EFHC2: variants seen among roughly 807,000 people sequenced by gnomAD.
EFHC2 encodes EF-hand domain-containing family member C2.
In EFHC2, 18 loss-of-function variants were observed where a neutral mutation model predicts 52.7. The observed-to-expected ratio is 0.34, with a 90% CI of 0.24 to 0.51. The LOEUF (loss-of-function observed/expected upper bound fraction) is 0.51. EFHC2 is among the 20% of genes least tolerant of loss of function. EFHC2 has a pLI of 0.97. For missense variants in EFHC2, 513 were observed against 562.5 expected, an observed-to-expected ratio of 0.91 and a Z score of 0.89; for synonymous variants, 203 against 204.1, an observed-to-expected ratio of 0.99 and a Z score of 0.04.
chrX:44,156,840 A>G (rs1378676957), intron 14 of EFHC2, among the ~76,000 whole-genome samples: 1 of 112,365 alleles, frequency 8.9e-6, no homozygotes, highest in Non-Finnish European at 1.9e-5. Flanking sequence ...TACAGCTACC[A>G]TCTGTGAGCA....
At chrX:44,262,512 C>CAAAAAAAAA (rs749239313) in intron 3 of EFHC2, among the ~76,000 whole-genome samples, 2 of 29,185 alleles carry the variant, frequency 6.9e-5, no homozygotes, top group African/African-American at 2.2e-4. Context: ...AGCCCTGTCT[C>CAAAAAAAAA]AAAAAAAAAA....
At chrX:44,217,675 G>A (rs1220431759) in intron 11 of EFHC2, among the ~76,000 whole-genome samples, 3 of 110,785 alleles carry the variant, frequency 2.7e-5, no homozygotes, top group Non-Finnish European at 5.7e-5. Flanking sequence ...GAGAGTAGAA[G>A]GATGCTTATC....
intron 1 of EFHC2, among the ~76,000 whole-genome samples, chrX:44,333,323 T>C (rs1027298366): frequency 1.8e-5 from 2 of 111,018 alleles, no homozygotes; most frequent in African/African-American, 6.6e-5. Flanking sequence ...AGCCAAGTTT[T>C]GAGGGAAGGT....
At chrX:44,294,475 A>T (rs924238051) in intron 2 of EFHC2, among the ~76,000 whole-genome samples, 17 of 111,220 alleles carry the variant, frequency 1.5e-4, no homozygotes, top group Non-Finnish European at 7.5e-5. Flanking sequence ...GTAATTACCC[A>T]ATAAATTGGA....
chrX:44,176,235 G>A, intron 13 of EFHC2, 57 bp downstream of exon 13: 1 of 947,875 alleles, frequency 1.1e-6, no homozygotes, highest in East Asian at 3.4e-5. Context: ...ACCAGGAATG[G>A]TCCCCCAAAT....
In EFHC2 at chrX:44,242,178, A is replaced by G. The variant is rs866994592; in HGVS notation, c.1223T>C (p.Ile408Thr). 8.3e-7 allele frequency: 1 copy of G among 1,208,627 alleles called. No individual in the cohort carries two copies. Among genetic ancestry groups the G allele is most frequent in the Non-Finnish European group, 1.1e-6 (1 of 893,920 alleles). Residue 408 changes from isoleucine (I) to threonine (T), a missense_variant, in exon 8 of 15, where the codon ATA becomes ACA. Coordinates refer to ENST00000420999, the MANE Select transcript of EFHC2 (RefSeq NM_025184.4). ...GSEEDSLRNC[I>T]DLKPTPHRRN... ...CCGATGAGGTGTGGGCTTGAGGTCTATGCAGTTACGGAGAGAATCCTCTTC... is the reference window on the plus strand; with the variant it reads ...CCGATGAGGTGTGGGCTTGAGGTCTGTGCAGTTACGGAGAGAATCCTCTTC...
intron 11 of EFHC2, among the ~76,000 whole-genome samples, chrX:44,206,215 AG>A (rs2037047374): frequency 8.9e-6 from 1 of 111,949 alleles, no homozygotes; most frequent in African/African-American, 3.3e-5. Flanking sequence ...ATACAGTAAA[AG>A]CAGTGTTCAG....
At chrX:44,260,419 C>T (rs923465781) in intron 4 of EFHC2, among the ~76,000 whole-genome samples, 21 of 111,466 alleles carry the variant, frequency 1.9e-4, no homozygotes, top group African/African-American at 6.5e-4. Context: ...TCAAATTCTT[C>T]TGGAAAACAA....
intron 11 of EFHC2, among the ~76,000 whole-genome samples, chrX:44,193,363 G>A (rs2036938053): frequency 1.9e-5 from 2 of 107,613 alleles, no homozygotes; most frequent in African/African-American, 3.4e-5. Context: ...CCTGATCTAC[G>A]TTGGGCACAT....
At chrX:44,216,912 A>C (rs2037154729) in intron 11 of EFHC2, among the ~76,000 whole-genome samples, 1 of 111,624 alleles carries the variant, frequency 9.0e-6, no homozygotes, top group Non-Finnish European at 1.9e-5. Flanking sequence ...AAAGGAAACA[A>C]TCAACAAAGT....
Position 44,312,564 on chromosome X carries a change from T to A in EFHC2, c.231+4A>T. The stretch of plus-strand genomic sequence containing the variant: ...TGCATTCCTCCCAGTGTCATGTGAC[T>A]TACCTGTTTATCAAAGGCTACCCAT... On this transcript the variant is annotated splice_donor_region_variant and intron_variant, in intron 2 of 14. Coordinates refer to ENST00000420999, the MANE Select transcript of EFHC2 (RefSeq NM_025184.4). 1 of 1,189,119 alleles carries A rather than the reference T, an allele frequency of 8.4e-7. No homozygotes were observed.
intron 11 of EFHC2, 114 bp downstream of exon 11, chrX:44,229,535 G>T (rs1465388867): frequency 9.8e-6 from 10 of 1,017,257 alleles, no homozygotes; most frequent in Non-Finnish European, 1.3e-5. Flanking sequence ...CAAACTCAAA[G>T]AAATGCCAAT....
chrX:44,212,239 T>G (rs1256053518), intron 11 of EFHC2, among the ~76,000 whole-genome samples: 1 of 110,954 alleles, frequency 9.0e-6, no homozygotes, highest in Non-Finnish European at 1.9e-5. Context: ...AAAAAAAATT[T>G]TAATGCCTTT....
At chrX:44,329,067 G>A (rs2038070398) in intron 1 of EFHC2, among the ~76,000 whole-genome samples, 1 of 111,130 alleles carries the variant, frequency 9.0e-6, no homozygotes, top group South Asian at 3.8e-4. Context: ...AACACCCTCC[G>A]CTGGTAACAC....
chrX:44,178,414 C>A lies in EFHC2; in HGVS notation c.1902G>T (p.Glu634Asp). 8.3e-7 allele frequency: 1 copy of A among 1,203,064 alleles called. No homozygotes were observed. Among genetic ancestry groups the A allele is most frequent in the Middle Eastern group, 2.3e-4 (1 of 4,344 alleles). ...AHEKFKKNMFENFDTFIYSCV... is the reference protein window; with the variant it reads ...AHEKFKKNMFDNFDTFIYSCV... ...AGGAATAAATGAAAGTGTCGAAATT[C>A]TCAAACATATTTTTCTTGAACTTTT... Residue 634 changes from glutamate (E) to aspartate (D), a missense_variant, in exon 12 of 15, where the codon GAG becomes GAT. Transcript: ENST00000420999.
At chrX:44,252,875 C>T (rs752407103) in intron 4 of EFHC2, among the ~76,000 whole-genome samples, 1 of 111,780 alleles carries the variant, frequency 8.9e-6, no homozygotes, top group East Asian at 2.8e-4. Flanking sequence ...TGGTCTGCAG[C>T]TCCCAGCGAG....
At chrX:44,202,152 A>G (rs758384910) in intron 11 of EFHC2, among the ~76,000 whole-genome samples, 1 of 112,618 alleles carries the variant, frequency 8.9e-6, no homozygotes, top group East Asian at 2.8e-4. Context: ...TGAGAATTCA[A>G]AAAATAAAAT....
At chrX:44,158,349 G>A (rs1474653695) in intron 14 of EFHC2, among the ~76,000 whole-genome samples, 1 of 111,183 alleles carries the variant, frequency 9.0e-6, no homozygotes, top group Admixed American at 9.6e-5. Flanking sequence ...TCCAGGTGGT[G>A]GCCTGTCCTG....
chrX:44,339,155 C>T (rs920456859), intron 1 of EFHC2, among the ~76,000 whole-genome samples: 6 of 100,146 alleles, frequency 6.0e-5, no homozygotes, highest in African/African-American at 1.7e-4. Flanking sequence ...GGCGCCATTG[C>T]GCTCCAGCCT....
Sources: gnomAD v4.1 joint callset for allele counts (sites outside exome capture counted in the v4.1 genomes callset) on GRCh38, gnomAD v4.1.1 for gene constraint, MANE v1.5 for transcripts, NCBI Gene and HGNC (gene_info 2026-07-23, HGNC 2026-07-21) for gene names.